The following ARHGEF38 variants were observed in gnomAD, a reference collection of about 807,000 sequenced individuals.
ARHGEF38 encodes the protein Rho guanine nucleotide exchange factor (GEF) 38.
Under a neutral mutation model 79.9 loss-of-function variants are expected in ARHGEF38, and 79 were observed. That is an observed-to-expected ratio of 0.99 (90% CI 0.82 to 1.19). The LOEUF (loss-of-function observed/expected upper bound fraction) is 1.19. Ranked by LOEUF, ARHGEF38 falls within the 50% of genes most tolerant of loss-of-function variation. The pLI is 0.00. For synonymous variants in ARHGEF38, 366 were observed against 328.3 expected (o/e 1.11, Z -1.24); for missense variants, 962 against 907.2 (o/e 1.06, Z -0.78).
intron 1 of ARHGEF38, among the ~76,000 whole-genome samples, chr4:105,566,785 C>T (rs1427832072): frequency 2.8e-5 from 4 of 145,014 alleles, no homozygotes; most frequent in Non-Finnish European, 6.0e-5. Flanking sequence ...CGGAGTTTTG[C>T]TCTTGTTGCC....
chr4:105,577,326 C>T (rs761400857), intron 1 of ARHGEF38, among the ~76,000 whole-genome samples: 4 of 144,276 alleles, frequency 2.8e-5, no homozygotes, highest in African/African-American at 1.0e-4. Flanking sequence ...TGTTCAATTC[C>T]CACCTATGAG....
chr4:105,646,831 G>C (rs1176809681), intron 6 of ARHGEF38, among the ~76,000 whole-genome samples: 1 of 138,372 alleles, frequency 7.2e-6, no homozygotes, highest in Non-Finnish European at 1.5e-5. Context: ...CAATCCAGAG[G>C]GTTTTTTTTT....
At chr4:105,671,899 T>A (rs1372211721) in intron 13 of ARHGEF38, among the ~76,000 whole-genome samples, 1 of 152,182 alleles carries the variant, frequency 6.6e-6, no homozygotes, top group East Asian at 1.9e-4. Flanking sequence ...GCACTTTTTT[T>A]ATTTCTTCCA....
At chr4:105,592,980 C>T (rs1308813584) in intron 2 of ARHGEF38, among the ~76,000 whole-genome samples, 1 of 152,146 alleles carries the variant, frequency 6.6e-6, no homozygotes, top group African/African-American at 2.4e-5. Flanking sequence ...CTTTCTCTCT[C>T]CTGAATAATT....
rs1363370763 is a variant in ARHGEF38, at chr4:105,655,653, A to C, written c.1164A>C (p.Ser388=). ...LQSVMDLQEI[S]YNKDDEMDYS... ...GTGTGATGGACCTTCAGGAGATTTCATACAACAAAGACGATGAGATGGACT... is the reference window on the plus strand; with the variant it reads ...GTGTGATGGACCTTCAGGAGATTTCCTACAACAAAGACGATGAGATGGACT... Residue 388 remains serine (S), a synonymous_variant, in exon 9 of 14, where the codon TCA becomes TCC. Transcript: ENST00000420470. 6.5e-6 allele frequency: 10 copies of C among 1,535,998 alleles called. No homozygotes were observed. The highest frequency in any genetic ancestry group is 8.7e-6 in the Non-Finnish European group (10 of 1,146,740).
chr4:105,585,725 G>GTTTTTTTTT (rs1491390111), intron 1 of ARHGEF38, among the ~76,000 whole-genome samples: 19 of 14,438 alleles, frequency 1.3e-3, no homozygotes, highest in Non-Finnish European at 1.9e-3. Flanking sequence ...CCCCTCCGTT[G>GTTTTTTTTT]CTTTTTTTTT....
intron 13 of ARHGEF38, among the ~76,000 whole-genome samples, chr4:105,672,794 A>T (rs1730998254): frequency 6.6e-6 from 1 of 152,182 alleles, no homozygotes; most frequent in African/African-American, 2.4e-5. Flanking sequence ...CATTGGCAGA[A>T]TTAAATTTCT....
chr4:105,574,174 C>CT (rs1033566474), intron 1 of ARHGEF38, among the ~76,000 whole-genome samples: 26 of 152,050 alleles, frequency 1.7e-4, no homozygotes, highest in South Asian at 8.3e-4. Flanking sequence ...AATTTTACTT[C>CT]TTTTTTTTCC....
chr4:105,556,830 T>C (rs1188794192), intron 1 of ARHGEF38, among the ~76,000 whole-genome samples: 1 of 152,178 alleles, frequency 6.6e-6, no homozygotes, highest in Non-Finnish European at 1.5e-5. Flanking sequence ...TATCTAAATA[T>C]GTGAGGACAC....
At chr4:105,561,136 C>T (rs1725501965) in intron 1 of ARHGEF38, among the ~76,000 whole-genome samples, 2 of 152,026 alleles carry the variant, frequency 1.3e-5, no homozygotes, top group African/African-American at 2.4e-5. Context: ...GCCTGTAATC[C>T]CAGCACTTTG....
At position 105,552,846 on chromosome 4, in the gene ARHGEF38, T is replaced by C. The variant is rs758535583; in HGVS notation, c.81T>C (p.Tyr27=). 6 of 1,613,894 alleles carry C rather than the reference T, an allele frequency of 3.7e-6. No individual in the cohort carries two copies. The highest frequency in any genetic ancestry group is 1.7e-5 in the Admixed American group (1 of 59,998). ...KNLAFLRSRL[Y]MLERRKTDTV... ...TGGCCTTCTTGAGGTCTAGACTCTA[T>C]ATGCTGGAGAGAAGGAAGACTGACA... The change falls in exon 1 of 14, where the codon TAT becomes TAC. Residue 27 remains tyrosine, a synonymous_variant. Transcript: ENST00000420470.
chr4:105,573,389 T>C (rs1344089327), intron 1 of ARHGEF38, among the ~76,000 whole-genome samples: 1 of 152,220 alleles, frequency 6.6e-6, no homozygotes, highest in African/African-American at 2.4e-5. Flanking sequence ...TGATCCATTC[T>C]GAGTTAAATT....
rs34986019 is a variant in ARHGEF38 at position 105,646,832 on chromosome 4, G to GT, written c.874+1455dup. ...TAATCTCAAAAACACAATCCAGAGG[G>GT]TTTTTTTTTTAAAGTAAATTTGCAA... On this transcript the variant is annotated intron_variant, in intron 6 of 13. Coordinates refer to ENST00000420470, the MANE Select transcript of ARHGEF38 (RefSeq NM_001242729.2). 6.6e-4 allele frequency among the ~76,000 whole-genome samples: 95 copies of GT among 143,242 alleles called. No individual in the cohort carries two copies. In the East Asian group the frequency reaches 7.3e-3, roughly 11 times the overall value. 94.0% of individuals were successfully genotyped at this position (143,242 alleles called of 152,430 possible).
chr4:105,607,835 T>C (rs1427809280), intron 2 of ARHGEF38, among the ~76,000 whole-genome samples: 1 of 152,094 alleles, frequency 6.6e-6, no homozygotes, highest in African/African-American at 2.4e-5. Context: ...CAAGGCTGGA[T>C]CCAAGAGTTA....
At chr4:105,602,476 A>G (rs1442576582) in intron 2 of ARHGEF38, among the ~76,000 whole-genome samples, 1 of 152,172 alleles carries the variant, frequency 6.6e-6, no homozygotes, top group African/African-American at 2.4e-5. Flanking sequence ...ATGAGTGTAG[A>G]AGCTTTTTCA....
In ARHGEF38 at chr4:105,628,587, A is replaced by C. The variant is rs189601761; in HGVS notation, c.509-2311A>C. Among the ~76,000 whole-genome samples, 238 of 152,230 alleles carry C rather than the reference A, an allele frequency of 1.6e-3. 1 individual carries two copies. The highest frequency in any genetic ancestry group is 5.7e-3 in the African/African-American group (236 of 41,510). ...AAGGATGAACTCTATAGGATATCAG[A>C]AACAAAACAAGAATCCTGTGTCCTT... On this transcript the variant is annotated intron_variant, in intron 3 of 13. Coordinates refer to ENST00000420470, the MANE Select transcript of ARHGEF38 (RefSeq NM_001242729.2).
At chr4:105,619,462 C>T (rs528182996) in intron 3 of ARHGEF38, among the ~76,000 whole-genome samples, 1 of 151,972 alleles carries the variant, frequency 6.6e-6, no homozygotes, top group Non-Finnish European at 1.5e-5. Flanking sequence ...TGTGAGCAAA[C>T]GAACAGTTAT....
intron 1 of ARHGEF38, among the ~76,000 whole-genome samples, chr4:105,554,382 G>A (rs1269262297): frequency 6.6e-6 from 1 of 152,076 alleles, no homozygotes; most frequent in Non-Finnish European, 1.5e-5. Context: ...GTAGTCTCCA[G>A]TATCTATTGT....
chr4:105,620,914 A>C (rs1039267117), intron 3 of ARHGEF38, among the ~76,000 whole-genome samples: 1 of 152,212 alleles, frequency 6.6e-6, no homozygotes, highest in African/African-American at 2.4e-5. Flanking sequence ...ATTGGGCCCA[A>C]GCCTTAGAAA....
Sources: gnomAD v4.1 joint callset for allele counts (sites outside exome capture counted in the v4.1 genomes callset) on GRCh38, gnomAD v4.1.1 for gene constraint, MANE v1.5 for transcripts, NCBI Gene and HGNC (gene_info 2026-07-23, HGNC 2026-07-21) for gene names.